DOCK1: variants seen among roughly 807,000 people sequenced by gnomAD.
The protein encoded by DOCK1 is dedicator of cytokinesis 1.
DOCK1 carries 138 observed loss-of-function variants against 262.7 expected under a neutral mutation model. The ratio of observed to expected loss-of-function variants is 0.53; its 90% CI spans 0.46 to 0.61. DOCK1 has a LOEUF of 0.61. Among genes scored for constraint, DOCK1 ranks in the 20% least tolerant of loss-of-function variants. DOCK1 has a pLI of 0.00. For missense variants in DOCK1, 1,908 were observed against 2,370.7 expected (o/e 0.80, Z 4.05); for synonymous variants, 866 against 867.4 (o/e 1.00, Z 0.03).
At chr10:127,192,844 G>T (rs2056849374) in intron 27 of DOCK1, 1 of 152,134 alleles carries the variant, frequency 6.6e-6, no homozygotes, top group African/African-American at 2.4e-5. Context: ...TCCTGTCAGG[G>T]TCCCTATAGT....
At chr10:126,993,276 A>G (rs1226629270) in intron 6 of DOCK1, among the ~76,000 whole-genome samples, 2 of 152,154 alleles carry the variant, frequency 1.3e-5, no homozygotes, top group Non-Finnish European at 2.9e-5. Flanking sequence ...TGGGCCTCCT[A>G]AGCTGGTTCT....
intron 29 of DOCK1, among the ~76,000 whole-genome samples, chr10:127,323,765 C>T (rs994469556): frequency 6.6e-6 from 1 of 152,226 alleles, no homozygotes; most frequent in African/African-American, 2.4e-5. Flanking sequence ...GAGGGCATTT[C>T]TGAGCTCCTG....
At chr10:127,355,871 C>T (rs1368311784) in intron 32 of DOCK1, among the ~76,000 whole-genome samples, 1 of 152,210 alleles carries the variant, frequency 6.6e-6, no homozygotes, top group East Asian at 1.9e-4. Flanking sequence ...GCTTTTGCAT[C>T]TTCCTTGCCA....
chr10:127,175,839 T>C lies in DOCK1; in HGVS notation c.2847+48075T>C. The C allele has an allele frequency of 3.1e-6, 5 of 1,614,166 alleles. No homozygotes were observed. Among genetic ancestry groups the C allele is most frequent in the Non-Finnish European group, 4.2e-6 (5 of 1,180,010 alleles). On this transcript the variant is annotated intron_variant, in intron 27 of 51. Transcript: ENST00000623213. This position sits in a 1 kb window ranked among gnomAD's most constrained non-coding sequence, Gnocchi z 6.3. ...CTCTGTGCAGTTGACCCCCAAAGGC[T>C]GGTCCACTGTGTTCATGTGTTGGTT... is the stretch of plus-strand genomic sequence containing the variant.
At chr10:127,089,394 A>C in intron 23 of DOCK1, among the ~76,000 whole-genome samples, 1 of 150,954 alleles carries the variant, frequency 6.6e-6, no homozygotes, top group African/African-American at 2.4e-5. Context: ...CGCCTCCTCC[A>C]CCTAGCCCCT....
At chr10:127,330,051 C>T (rs1004718412) in intron 29 of DOCK1, among the ~76,000 whole-genome samples, 1 of 152,114 alleles carries the variant, frequency 6.6e-6, no homozygotes, top group Non-Finnish European at 1.5e-5. Context: ...TTGCTAACTC[C>T]GCGTTGGGGC....
intron 29 of DOCK1, among the ~76,000 whole-genome samples, chr10:127,268,477 C>A (rs1430977499): frequency 2.6e-5 from 3 of 114,000 alleles, no homozygotes; most frequent in African/African-American, 1.1e-4. Flanking sequence ...TCCATCCAGC[C>A]TGGGTGACAG....
intron 27 of DOCK1, among the ~76,000 whole-genome samples, chr10:127,149,152 C>T (rs2052216218): frequency 6.6e-6 from 1 of 152,112 alleles, no homozygotes; most frequent in African/African-American, 2.4e-5. Flanking sequence ...AGTTACATCC[C>T]TTGCATAATT....
intron 47 of DOCK1, among the ~76,000 whole-genome samples, chr10:127,427,506 A>T (rs969147906): frequency 6.6e-6 from 1 of 152,034 alleles, no homozygotes; most frequent in African/African-American, 2.4e-5. Flanking sequence ...TCTGCCTCAC[A>T]CTCTGTGAAG....
chr10:127,197,229 T>C (rs964705265), intron 27 of DOCK1, among the ~76,000 whole-genome samples: 1 of 152,092 alleles, frequency 6.6e-6, no homozygotes, highest in Non-Finnish European at 1.5e-5. Context: ...CTGCCACTCC[T>C]AGCCAGGAAC....
Position 127,175,175 on chromosome 10 carries a change from C to T in DOCK1, c.2847+47411C>T, listed in dbSNP as rs2054968498. 6.5e-7 allele frequency: 1 copy of T among 1,544,690 alleles called. No individual in the cohort carries two copies. Among genetic ancestry groups the T allele is most frequent in the South Asian group, 1.2e-5 (1 of 82,468 alleles). ...ACAGATGGACTCTGTGGTGATCAGC[C>T]TGCATAGCTTCCTAAGACATGGGTG... On this transcript the variant is annotated intron_variant, in intron 27 of 51. Coordinates refer to ENST00000623213, the MANE Select transcript of DOCK1 (RefSeq NM_001290223.2). The surrounding 1 kb of genome is among the most constrained non-coding windows in gnomAD (Gnocchi z 6.3).
chr10:127,136,566 G>A (rs989301481), intron 27 of DOCK1: 4 of 152,162 alleles, frequency 2.6e-5, no homozygotes, highest in Non-Finnish European at 5.9e-5. Flanking sequence ...TAGACTAGGG[G>A]ATTTGATTTC....
chr10:127,071,541 C>T (rs2046235190), intron 23 of DOCK1, among the ~76,000 whole-genome samples: 1 of 152,128 alleles, frequency 6.6e-6, no homozygotes, highest in African/African-American at 2.4e-5. Context: ...TAGTGCATGC[C>T]CATCAAAATG....
intron 27 of DOCK1, among the ~76,000 whole-genome samples, chr10:127,237,084 C>T (rs192340521): frequency 1.0e-3 from 157 of 152,218 alleles, no homozygotes; most frequent in Middle Eastern, 3.4e-3. Flanking sequence ...ATTGGCCGGG[C>T]GCGGTGACTC....
chr10:126,985,367 A>G (rs989820785), intron 4 of DOCK1, among the ~76,000 whole-genome samples: 6 of 152,218 alleles, frequency 3.9e-5, no homozygotes, highest in Admixed American at 1.3e-4. Flanking sequence ...TTGGGGTTAC[A>G]TATTCTTGAA....
intron 27 of DOCK1, among the ~76,000 whole-genome samples, chr10:127,144,082 C>G (rs534671600): frequency 2.0e-5 from 3 of 152,088 alleles, no homozygotes; most frequent in Non-Finnish European, 4.4e-5. Flanking sequence ...TCCTCTCCGC[C>G]CACCTTCCAC....
intron 38 of DOCK1, among the ~76,000 whole-genome samples, chr10:127,399,747 T>A (rs947669743): frequency 6.6e-6 from 1 of 151,832 alleles, no homozygotes; most frequent in Non-Finnish European, 1.5e-5. Flanking sequence ...TAAAAAAAAA[T>A]AAGAAGAAGA....
chr10:127,195,244 A>G (rs1429788918), intron 27 of DOCK1, among the ~76,000 whole-genome samples: 1 of 151,850 alleles, frequency 6.6e-6, no homozygotes, highest in Non-Finnish European at 1.5e-5. Context: ...AGCTGCCCCG[A>G]CCCCGGGCTG....
At chr10:126,959,022 C>T (rs971843323) in intron 1 of DOCK1, among the ~76,000 whole-genome samples, 47 of 152,200 alleles carry the variant, frequency 3.1e-4, no homozygotes, top group African/African-American at 9.4e-4. Flanking sequence ...TCCAGAAAGG[C>T]GGGACATTCC....
Sources: gnomAD v4.1 joint callset for allele counts (sites outside exome capture counted in the v4.1 genomes callset) on GRCh38, gnomAD v4.1.1 for gene constraint, Gnocchi (gnomAD v3.1) non-coding constraint, MANE v1.5 for transcripts, NCBI Gene and HGNC (gene_info 2026-07-23, HGNC 2026-07-21) for gene names.